The following FCHO2 variants were observed in gnomAD, a reference collection of about 807,000 sequenced individuals.
FCHO2 encodes F-BAR domain only protein 2.
Under a neutral mutation model 114.1 loss-of-function variants are expected in FCHO2, and 43 were observed. The observed-to-expected ratio is 0.38, with a 90% CI of 0.30 to 0.49. The LOEUF (loss-of-function observed/expected upper bound fraction) is 0.49, where lower values mean the gene tolerates loss of function less well. Among genes scored for constraint, FCHO2 ranks in the 20% least tolerant of loss-of-function variants. FCHO2 has a pLI of 0.97. For synonymous variants in FCHO2, 293 were observed against 315.2 expected (o/e 0.93, Z 0.75); for missense variants, 807 against 950.4 (o/e 0.85, Z 1.98).
chr5:73,014,293 C>CTT (rs551434825), intron 6 of FCHO2, among the ~76,000 whole-genome samples: 8 of 136,956 alleles, frequency 5.8e-5, no homozygotes, highest in South Asian at 2.3e-4. Flanking sequence ...TTTTCTTTTT[C>CTT]TTTTTTTTTT....
At chr5:73,085,292 T>G (rs1157414289) in intron 24 of FCHO2, among the ~76,000 whole-genome samples, 1 of 152,044 alleles carries the variant, frequency 6.6e-6, no homozygotes, top group Non-Finnish European at 1.5e-5. Flanking sequence ...GAGGTTGCAG[T>G]GAGCCAACAT....
intron 2 of FCHO2, among the ~76,000 whole-genome samples, chr5:72,974,430 T>C (rs1345266038): frequency 6.7e-6 from 1 of 149,292 alleles, no homozygotes; most frequent in Non-Finnish European, 1.5e-5. Flanking sequence ...ACTCTTCTTG[T>C]TGAATTGATC....
At chr5:73,055,249 G>A (rs1478853943) in intron 15 of FCHO2, among the ~76,000 whole-genome samples, 2 of 152,176 alleles carry the variant, frequency 1.3e-5, no homozygotes, top group African/African-American at 4.8e-5. Context: ...GTGCTGAGTT[G>A]TGGAGATGAG....
chr5:72,982,274 G>A (rs1247444205), intron 2 of FCHO2, among the ~76,000 whole-genome samples: 7 of 152,164 alleles, frequency 4.6e-5, no homozygotes, highest in Non-Finnish European at 1.0e-4. Context: ...GATGAGCCGG[G>A]TACCTCAGTT....
chr5:73,041,482 C>A (rs1051409838), intron 11 of FCHO2, among the ~76,000 whole-genome samples, 167 bp downstream of exon 11: 2 of 152,014 alleles, frequency 1.3e-5, no homozygotes, highest in African/African-American at 4.8e-5. Flanking sequence ...ATTTACATTG[C>A]CAGATGCTTT....
rs1187558539 is a variant in FCHO2, at chr5:73,011,912, GAA to G, written c.601-3702_601-3701del. On this transcript the variant is annotated intron_variant, in intron 6 of 25. Transcript: ENST00000430046. ...GCAACAGAGCGAGACTCCATCTCAGGAAAAAAAAAAAAAGTATCGCCTATGGT... is the reference window on the plus strand; with the variant it reads ...GCAACAGAGCGAGACTCCATCTCAGGAAAAAAAAAAAGTATCGCCTATGGT... Among the ~76,000 whole-genome samples the G allele has an allele frequency of 3.8e-3, 535 of 139,092 alleles. 5 individuals are homozygous for G. Among genetic ancestry groups the G allele is most frequent in the African/African-American group, 0.014 (519 of 37,970 alleles). 91.2% of individuals were successfully genotyped at this position (139,092 alleles called of 152,430 possible). A position where few individuals can be genotyped will look rare whatever the true frequency, so the allele number is the denominator to read the frequency against.
Position 73,027,027 on chromosome 5 carries a change from T to G in FCHO2, c.797-7630T>G, listed in dbSNP as rs200160544. On this transcript the variant is annotated intron_variant, in intron 8 of 25. Transcript: ENST00000430046. ...TTTTTTTTGTTTGTTTGTTTTTTTT[T>G]TTTTTTTTTTAGTGTAGTAATGGCT... is the stretch of plus-strand genomic sequence containing the variant. Among the ~76,000 whole-genome samples the G allele has an allele frequency of 9.1e-4, 138 of 150,824 alleles. 1 individual carries two copies. The East Asian group carries it at 0.017, about 19-fold the overall frequency.
intron 19 of FCHO2, among the ~76,000 whole-genome samples, chr5:73,074,302 TAATG>T (rs1395627696): frequency 6.6e-6 from 1 of 151,960 alleles, no homozygotes; most frequent in Non-Finnish European, 1.5e-5. Context: ...ATTATAATAA[TAATG>T]AGTAGTGTAT....
chr5:73,043,430 T>C (rs918719278), intron 11 of FCHO2, among the ~76,000 whole-genome samples: 5 of 152,152 alleles, frequency 3.3e-5, no homozygotes, highest in African/African-American at 1.2e-4. Flanking sequence ...ACACACATTG[T>C]ATTAGTGTGT....
intron 8 of FCHO2, among the ~76,000 whole-genome samples, chr5:73,025,636 C>T (rs950667430): frequency 3.3e-5 from 5 of 152,130 alleles, no homozygotes; most frequent in African/African-American, 4.8e-5. Context: ...ACCTTGGCCT[C>T]CCAAAGTGCT....
At position 73,090,158 on chromosome 5, in the gene FCHO2, TA is replaced by T. The variant is rs796283214; in HGVS notation, c.*2069del. 17 of 152,738 alleles carry T rather than the reference TA, an allele frequency of 1.1e-4. No individual in the cohort carries two copies. The highest frequency in any genetic ancestry group is 3.8e-4 in the African/African-American group (16 of 41,590). The allele number at this position is 152,738 out of a possible 1,614,324, so 9.5% of individuals were successfully genotyped here. Reference sequence around the variant, plus strand: ...ACTTTCTTAGTTACCACAGTCTTCATACCAAGTATTGGGTACAGGTTACAAT... The same window carrying T: ...ACTTTCTTAGTTACCACAGTCTTCATCCAAGTATTGGGTACAGGTTACAAT... On this transcript the variant is annotated 3_prime_UTR_variant, in exon 26 of 26. Coordinates refer to ENST00000430046, the MANE Select transcript of FCHO2 (RefSeq NM_138782.3).
At chr5:73,009,336 A>G (rs528860863) in intron 6 of FCHO2, among the ~76,000 whole-genome samples, 1 of 152,364 alleles carries the variant, frequency 6.6e-6, no homozygotes, top group East Asian at 1.9e-4. Flanking sequence ...TTTATCAGCT[A>G]AGCATTTGCC....
At chr5:73,001,448 C>CAAA (rs1215202339) in intron 5 of FCHO2, among the ~76,000 whole-genome samples, 19 of 65,490 alleles carry the variant, frequency 2.9e-4, no homozygotes, top group Non-Finnish European at 4.5e-4. Context: ...GATCCTGTCT[C>CAAA]AAAAAAAAAA....
intron 19 of FCHO2, among the ~76,000 whole-genome samples, chr5:73,070,321 G>A (rs1338343371): frequency 6.6e-6 from 1 of 152,088 alleles, no homozygotes; most frequent in Non-Finnish European, 1.5e-5. Context: ...ATTTCTAAAT[G>A]TCTAAACATG....
At chr5:73,060,921 T>C (rs1372881864) in intron 17 of FCHO2, among the ~76,000 whole-genome samples, 2 of 151,382 alleles carry the variant, frequency 1.3e-5, no homozygotes, top group African/African-American at 4.9e-5. Flanking sequence ...AAATTTAACA[T>C]AAATATCTTA....
intron 22 of FCHO2, among the ~76,000 whole-genome samples, chr5:73,078,894 AG>A (rs1743002095): frequency 6.6e-6 from 1 of 152,228 alleles, no homozygotes; most frequent in South Asian, 2.1e-4. Flanking sequence ...ATATTCACAA[AG>A]AACAATTAGG....
intron 2 of FCHO2, among the ~76,000 whole-genome samples, chr5:72,980,583 T>A (rs1753149583): frequency 6.6e-6 from 1 of 152,124 alleles, no homozygotes; most frequent in Non-Finnish European, 1.5e-5. Context: ...GGGAGTCTAA[T>A]TCTTTTTGTA....
intron 8 of FCHO2, among the ~76,000 whole-genome samples, chr5:73,028,048 A>G (rs1756034929): frequency 6.6e-6 from 1 of 151,954 alleles, no homozygotes; most frequent in African/African-American, 2.4e-5. Context: ...AAAATACAAA[A>G]ATTAGGCGTG....
At chr5:73,039,888 A>G (rs1238348184) in intron 10 of FCHO2, among the ~76,000 whole-genome samples, 1 of 151,322 alleles carries the variant, frequency 6.6e-6, no homozygotes, top group Non-Finnish European at 1.5e-5. Context: ...AGACGATGCC[A>G]CTGAACTCCA....
Sources: allele counts gnomAD v4.1 joint callset (sites outside exome capture counted in the v4.1 genomes callset), GRCh38; gene constraint gnomAD v4.1.1; transcripts MANE v1.5; gene names NCBI Gene and HGNC (gene_info 2026-07-23, HGNC 2026-07-21).